TCAIM: variants seen among roughly 807,000 people sequenced by gnomAD.
TCAIM encodes the protein T-cell activation inhibitor, mitochondrial.
TCAIM carries 36 observed loss-of-function variants against 58.6 expected under a neutral mutation model. That is an observed-to-expected ratio of 0.61 (90% CI 0.47 to 0.81). The LOEUF is 0.81. TCAIM is among the 30% of genes least tolerant of loss of function. The pLI is 0.00. For missense variants in TCAIM, 466 were observed against 579.6 expected, an observed-to-expected ratio of 0.80 and a Z score of 2.01; for synonymous variants, 172 against 193.6, an observed-to-expected ratio of 0.89 and a Z score of 0.93.
chr3:44,349,500 C>G (rs913327273), intron 1 of TCAIM, among the ~76,000 whole-genome samples: 2 of 152,000 alleles, frequency 1.3e-5, no homozygotes, highest in African/African-American at 2.4e-5. Flanking sequence ...GTGAAGGAGG[C>G]AAGCCTAGAG....
In TCAIM at chr3:44,392,901, A is replaced by G; in HGVS notation, c.619A>G (p.Asn207Asp). ...GAAAAGTGCTGTTAAAAAGCTAAAG[A>G]ACAGTTTGCCACTTAGAAAAGAACT... ...NGKSAVKKLK[N>D]SLPLRKELDR... The change falls in exon 6 of 11, where the codon AAC becomes GAC. Residue 207 changes from asparagine to aspartate, a missense_variant. Coordinates refer to ENST00000342649, the MANE Select transcript of TCAIM (RefSeq NM_173826.4). The G allele has an allele frequency of 6.2e-7, 1 of 1,613,630 alleles. No homozygotes were observed. The highest frequency in any genetic ancestry group is 8.5e-7 in the Non-Finnish European group (1 of 1,179,700).
chr3:44,392,802 A>AAAATATGTAT, intron 5 of TCAIM, 53 bp from the exon 6 acceptor site: 8 of 1,519,180 alleles, frequency 5.3e-6, no homozygotes, highest in Non-Finnish European at 7.1e-6. Context: ...TTTAATAGTA[A>AAAATATGTAT]AAATATGTAT....
At position 44,357,019 on chromosome 3, in the gene TCAIM, A is replaced by T. The variant is rs145401478; in HGVS notation, c.30-722A>T. On this transcript the variant is annotated intron_variant, in intron 2 of 10. Coordinates refer to ENST00000342649, the MANE Select transcript of TCAIM (RefSeq NM_173826.4). ...GAGAATATCAAGTTATCCAACTAGTATAATTTTAGCATGCTAATAATGAGG... is the reference window on the plus strand; with the variant it reads ...GAGAATATCAAGTTATCCAACTAGTTTAATTTTAGCATGCTAATAATGAGG... 1.8e-3 allele frequency among the ~76,000 whole-genome samples: 278 copies of T among 152,012 alleles called. 1 individual carries two copies. In the East Asian group the frequency reaches 0.025, roughly 14 times the overall value.
intron 3 of TCAIM, 191 bp downstream of exon 3, chr3:44,358,067 T>C: frequency 7.4e-7 from 1 of 1,353,652 alleles, no homozygotes. Flanking sequence ...TGTCATTGTT[T>C]TGTGCAGGCA....
intron 1 of TCAIM, among the ~76,000 whole-genome samples, chr3:44,350,006 G>A (rs1033515629): frequency 6.6e-5 from 10 of 151,828 alleles, no homozygotes; most frequent in African/African-American, 2.2e-4. Flanking sequence ...GAGATCCCCC[G>A]ATCCGAGTCA....
chr3:44,401,812 C>T (rs1702025286), intron 10 of TCAIM, among the ~76,000 whole-genome samples: 3 of 152,062 alleles, frequency 2.0e-5, no homozygotes, highest in Non-Finnish European at 2.9e-5. Context: ...AGGCAGATCA[C>T]TTGTGAGGTC....
At chr3:44,405,177 T>G (rs1199599026) in intron 10 of TCAIM, among the ~76,000 whole-genome samples, 1 of 152,046 alleles carries the variant, frequency 6.6e-6, no homozygotes, top group African/African-American at 2.4e-5. Flanking sequence ...TAACCCAGAG[T>G]AACCTGCACC....
intron 1 of TCAIM, among the ~76,000 whole-genome samples, chr3:44,344,299 A>AGAAATGCTTCT (rs960498216): frequency 6.6e-6 from 1 of 152,214 alleles, no homozygotes; most frequent in Non-Finnish European, 1.5e-5. Context: ...ACCGAGCCTC[A>AGAAATGCTTCT]GAAATGCTTC....
intron 5 of TCAIM, among the ~76,000 whole-genome samples, chr3:44,388,595 T>C (rs1450635134): frequency 6.6e-6 from 1 of 152,222 alleles, no homozygotes; most frequent in Non-Finnish European, 1.5e-5. Context: ...TTAGCTTCTG[T>C]TAAGGAGATA....
At chr3:44,389,101 C>T (rs1047006101) in intron 5 of TCAIM, among the ~76,000 whole-genome samples, 1 of 152,190 alleles carries the variant, frequency 6.6e-6, no homozygotes, top group Non-Finnish European at 1.5e-5. Context: ...ACCAGCCTGG[C>T]CAATATGGTG....
chr3:44,392,853 A>C lies in TCAIM; in HGVS notation c.573-2A>C. The C allele has an allele frequency of 1.2e-6, 2 of 1,611,374 alleles. No homozygotes were observed. The highest frequency in any genetic ancestry group is 1.7e-6 in the Non-Finnish European group (2 of 1,178,648). On this transcript the variant is annotated splice_acceptor_variant, in intron 5 of 10. Coordinates refer to ENST00000342649, the MANE Select transcript of TCAIM (RefSeq NM_173826.4). LOFTEE classifies it high-confidence loss of function. ...GTAAAGTATGTATCTCTCTCTTTCT[A>C]GATCCTGGTTAGATAACAATGGGAA...
intron 2 of TCAIM, among the ~76,000 whole-genome samples, chr3:44,355,615 G>A (rs1372027776): frequency 2.6e-5 from 4 of 152,238 alleles, no homozygotes; most frequent in Non-Finnish European, 5.9e-5. Context: ...AAAGTGGAAA[G>A]AAGGAATGAT....
Position 44,408,206 on chromosome 3 carries a change from G to C in TCAIM, c.*524G>C, listed in dbSNP as rs1255619491. 1 of 152,254 alleles carries C rather than the reference G, an allele frequency of 6.6e-6. No individual in the cohort carries two copies. The highest frequency in any genetic ancestry group is 1.5e-5 in the Non-Finnish European group (1 of 68,102). 9.4% of individuals were successfully genotyped at this position (152,254 alleles called of 1,614,324 possible). A position where few individuals can be genotyped will look rare whatever the true frequency, so the allele number is the denominator to read the frequency against. On this transcript the variant is annotated 3_prime_UTR_variant, in exon 11 of 11. Coordinates refer to ENST00000342649, the MANE Select transcript of TCAIM (RefSeq NM_173826.4). Reference sequence around the variant, plus strand: ...TGGGTTGGGCTGGAGAGGTATGTGTGTGTAAATATAAAGGTCTCACATTCA... The same window carrying C: ...TGGGTTGGGCTGGAGAGGTATGTGTCTGTAAATATAAAGGTCTCACATTCA...
intron 5 of TCAIM, among the ~76,000 whole-genome samples, chr3:44,382,957 A>G (rs141264120): frequency 1.3e-5 from 2 of 152,366 alleles, no homozygotes; most frequent in African/African-American, 4.8e-5. Context: ...AAGAAGGTAT[A>G]TAAATGGCCA....
intron 8 of TCAIM, among the ~76,000 whole-genome samples, chr3:44,397,048 T>A (rs1701946902): frequency 6.6e-6 from 1 of 152,250 alleles, no homozygotes; most frequent in East Asian, 1.9e-4. Flanking sequence ...TAAGGCAGTT[T>A]TTATCTGGTA....
At position 44,406,258 on chromosome 3, in the gene TCAIM, G is replaced by A. The variant is rs143688347; in HGVS notation, c.1251-1184G>A. ...TTGTTGGAGAACTATGCAGCAACATGGTCACACTACAAGGCTTTTCACTTC... is the reference window on the plus strand; with the variant it reads ...TTGTTGGAGAACTATGCAGCAACATAGTCACACTACAAGGCTTTTCACTTC... On this transcript the variant is annotated intron_variant, in intron 10 of 10. Coordinates refer to ENST00000342649, the MANE Select transcript of TCAIM (RefSeq NM_173826.4). Among the ~76,000 whole-genome samples, 5 of 152,304 alleles carry A rather than the reference G, an allele frequency of 3.3e-5. No homozygotes were observed. In the East Asian group the frequency reaches 9.6e-4, roughly 29 times the overall value.
intron 5 of TCAIM, among the ~76,000 whole-genome samples, chr3:44,371,229 T>A (rs1301019993): frequency 6.6e-6 from 1 of 151,334 alleles, no homozygotes; most frequent in African/African-American, 2.4e-5. Flanking sequence ...GGTTAATTTT[T>A]TAATTTTTAG....
chr3:44,345,664 G>A (rs1700951651), intron 1 of TCAIM, among the ~76,000 whole-genome samples: 1 of 152,136 alleles, frequency 6.6e-6, no homozygotes, highest in Non-Finnish European at 1.5e-5. Flanking sequence ...GTGTGGTGGA[G>A]ATAGCTGGGG....
At chr3:44,389,318 A>G (rs1701795530) in intron 5 of TCAIM, among the ~76,000 whole-genome samples, 1 of 152,202 alleles carries the variant, frequency 6.6e-6, no homozygotes, top group Non-Finnish European at 1.5e-5. Context: ...AACAGAAACC[A>G]TGTTGAGAGT....
Sources: gnomAD v4.1 joint callset for allele counts (sites outside exome capture counted in the v4.1 genomes callset) on GRCh38, gnomAD v4.1.1 for gene constraint, MANE v1.5 for transcripts, NCBI Gene and HGNC (gene_info 2026-07-23, HGNC 2026-07-21) for gene names.